EPHX1: variants seen among roughly 807,000 people sequenced by gnomAD.
The protein encoded by EPHX1 is epoxide hydrolase 1.
Under a neutral mutation model 43.2 loss-of-function variants are expected in EPHX1, and 40 were observed. The observed-to-expected ratio is 0.93, with a 90% CI of 0.72 to 1.21. The LOEUF is 1.21. Among genes scored for constraint, EPHX1 ranks in the 50% most tolerant of loss-of-function variants. The pLI is 0.00. For missense variants in EPHX1, 550 were observed against 570.4 expected, an observed-to-expected ratio of 0.96 and a Z score of 0.36; for synonymous variants, 221 against 226.7, an observed-to-expected ratio of 0.98 and a Z score of 0.22.
intron 1 of EPHX1, among the ~76,000 whole-genome samples, chr1:225,821,626 TCATAGCTCACTGCAGC>T (rs1354751013): frequency 2.9e-5 from 4 of 138,472 alleles, no homozygotes; most frequent in Admixed American, 2.3e-4. Flanking sequence ...AGTGCAGTGA[TCATAGCTCACTGCAGC>T]CTCAACCACC....
chr1:225,834,146 C>T (rs1234254665), intron 3 of EPHX1, among the ~76,000 whole-genome samples: 2 of 147,968 alleles, frequency 1.4e-5, no homozygotes, highest in African/African-American at 5.0e-5. Context: ...GTGGCTCACA[C>T]CTGTAATCCT....
chr1:225,813,829 G>A (rs1666599080), intron 1 of EPHX1, among the ~76,000 whole-genome samples: 1 of 152,162 alleles, frequency 6.6e-6, no homozygotes, highest in Non-Finnish European at 1.5e-5. Flanking sequence ...CCCCCGCACA[G>A]CCACACCCAT....
chr1:225,842,735 C>G (rs191197284), intron 7 of EPHX1, among the ~76,000 whole-genome samples: 1 of 152,182 alleles, frequency 6.6e-6, no homozygotes, highest in Non-Finnish European at 1.5e-5. Context: ...CTGAACAGGC[C>G]CCTCTGGGGA....
rs1668903704 is a variant in EPHX1 at position 225,845,534 on chromosome 1, GCTTTGATGATAAACGAC to G, written c.*188_*204del. On this transcript the variant is annotated 3_prime_UTR_variant, in exon 9 of 9. Coordinates refer to ENST00000272167, the MANE Select transcript of EPHX1 (RefSeq NM_001136018.4). The stretch of plus-strand genomic sequence containing the variant: ...CCAACTCCGTGTGGTAAGCAACATG[GCTTTGATGATAAACGAC>G]TTTACTCTAAAAGCGGCTGGAACTC... 1.6e-6 allele frequency: 1 copy of G among 632,350 alleles called. No individual in the cohort carries two copies. Among genetic ancestry groups the G allele is most frequent in the Admixed American group, 2.8e-5 (1 of 35,478 alleles). The allele number at this position is 632,350 out of a possible 1,614,324, so 39.2% of individuals were successfully genotyped here.
At chr1:225,821,316 C>A (rs545563902) in intron 1 of EPHX1, among the ~76,000 whole-genome samples, 1 of 151,822 alleles carries the variant, frequency 6.6e-6, no homozygotes, top group African/African-American at 2.4e-5. Context: ...GCAATCTCGG[C>A]TCACTGCAAC....
chr1:225,821,904 A>C (rs1454046036), intron 1 of EPHX1, among the ~76,000 whole-genome samples: 2 of 152,130 alleles, frequency 1.3e-5, no homozygotes, highest in Admixed American at 6.6e-5. Flanking sequence ...CCTGTATTTA[A>C]AATGGTCCTT....
intron 1 of EPHX1, among the ~76,000 whole-genome samples, chr1:225,828,228 C>T (rs1441004297): frequency 2.6e-5 from 4 of 151,990 alleles, no homozygotes; most frequent in South Asian, 2.1e-4. Context: ...CCTGTAGTCC[C>T]AGCTACTCGG....
chr1:225,821,465 C>T (rs1341375393), intron 1 of EPHX1, among the ~76,000 whole-genome samples: 3 of 151,706 alleles, frequency 2.0e-5, no homozygotes, highest in East Asian at 1.9e-4. Flanking sequence ...AGGCTGGTCA[C>T]GAACTCCTGA....
intron 3 of EPHX1, among the ~76,000 whole-genome samples, chr1:225,835,032 G>A (rs576935098): frequency 8.1e-4 from 124 of 152,300 alleles, no homozygotes; most frequent in African/African-American, 2.8e-3. Flanking sequence ...TTGAATGTGA[G>A]GGAAGGCTTC....
In EPHX1 at chr1:225,845,426, G is replaced by A. The variant is rs1576056070; in HGVS notation, c.*79G>A. ...TTCTTGGGGAAGATACCCCTTTTCT[G>A]AGGAATGAGTTTGCCTCCGTCCCCT... is the stretch of plus-strand genomic sequence containing the variant. On this transcript the variant is annotated 3_prime_UTR_variant, in exon 9 of 9. Coordinates refer to ENST00000272167, the MANE Select transcript of EPHX1 (RefSeq NM_001136018.4). 2 of 1,462,920 alleles carry A rather than the reference G, an allele frequency of 1.4e-6. No homozygotes were observed. Among genetic ancestry groups the A allele is most frequent in the East Asian group, 5.0e-5 (2 of 40,318 alleles). The allele number at this position is 1,462,920 out of a possible 1,614,324, so 90.6% of individuals were successfully genotyped here. A position where few individuals can be genotyped will look rare whatever the true frequency, so the allele number is the denominator to read the frequency against.
rs369476703 is a variant in EPHX1, at chr1:225,813,863, G to A, written c.-6+3694G>A. 3.3e-4 allele frequency among the ~76,000 whole-genome samples: 50 copies of A among 152,212 alleles called. 1 individual carries two copies. The highest frequency in any genetic ancestry group is 1.2e-3 in the African/African-American group (49 of 41,456). ...ATTAGGCTCTCCAAGGCCTAACTGAGCAAGCTTGCAGAAGAGGGGAAAGTG... is the reference window on the plus strand; with the variant it reads ...ATTAGGCTCTCCAAGGCCTAACTGAACAAGCTTGCAGAAGAGGGGAAAGTG... On this transcript the variant is annotated intron_variant, in intron 1 of 8. Transcript: ENST00000272167.
chr1:225,821,258 T>A (rs1666966862), intron 1 of EPHX1, among the ~76,000 whole-genome samples: 1 of 152,166 alleles, frequency 6.6e-6, no homozygotes, highest in South Asian at 2.1e-4. Context: ...TTTTCTTTTT[T>A]TTTTGAGATG....
chr1:225,812,568 G>C (rs1283507367), intron 1 of EPHX1, among the ~76,000 whole-genome samples: 1 of 152,218 alleles, frequency 6.6e-6, no homozygotes, highest in African/African-American at 2.4e-5. Flanking sequence ...GTTCACCAAT[G>C]CACAGTGCCC....
intron 3 of EPHX1, among the ~76,000 whole-genome samples, chr1:225,832,622 G>A (rs45623440): frequency 4.1e-4 from 63 of 152,326 alleles, no homozygotes; most frequent in African/African-American, 1.4e-3. Flanking sequence ...CTGAGGAACC[G>A]CCATACTGCG....
At chr1:225,823,518 G>A (rs1451684642) in intron 1 of EPHX1, among the ~76,000 whole-genome samples, 1 of 152,220 alleles carries the variant, frequency 6.6e-6, no homozygotes, top group African/African-American at 2.4e-5. Flanking sequence ...TCTTTCCCTG[G>A]CTGTAGAGCA....
At chr1:225,843,123 A>G (rs924904332) in intron 7 of EPHX1, among the ~76,000 whole-genome samples, 15 of 152,218 alleles carry the variant, frequency 9.9e-5, no homozygotes, top group African/African-American at 3.6e-4. Context: ...CCCATCACCT[A>G]GAACAATGCC....
chr1:225,812,845 A>G (rs1450284476), intron 1 of EPHX1, among the ~76,000 whole-genome samples: 1 of 152,190 alleles, frequency 6.6e-6, no homozygotes, highest in Admixed American at 6.5e-5. Context: ...GGATAGACAG[A>G]TAGTGATTCG....
chr1:225,835,381 G>GTTTT (rs1553485499), intron 3 of EPHX1, among the ~76,000 whole-genome samples: 1 of 126,796 alleles, frequency 7.9e-6, no homozygotes, highest in South Asian at 2.5e-4. Context: ...ACCACACTAG[G>GTTTT]CTTTTTTTTT....
intron 3 of EPHX1, 132 bp from the exon 4 acceptor site, chr1:225,838,522 G>A: frequency 1.3e-6 from 1 of 744,182 alleles, no homozygotes; most frequent in Non-Finnish European, 2.3e-6. Flanking sequence ...CCTTATTACT[G>A]TCAATACCAT....
Sources: allele counts gnomAD v4.1 joint callset (sites outside exome capture counted in the v4.1 genomes callset), GRCh38; gene constraint gnomAD v4.1.1; transcripts MANE v1.5; gene names NCBI Gene and HGNC (gene_info 2026-07-23, HGNC 2026-07-21).